Variants in INO80 observed in about 807,000 individuals in gnomAD.
INO80 encodes the protein chromatin-remodeling ATPase INO80.
Under a neutral mutation model 203.4 loss-of-function variants are expected in INO80, and 20 were observed. The ratio of observed to expected loss-of-function variants is 0.10; its 90% CI spans 0.07 to 0.14. INO80 has a LOEUF of 0.14. Ranked by LOEUF, INO80 falls within the 10% of genes least tolerant of loss-of-function variation. The probability of loss-of-function intolerance (pLI) is 1.00; values close to 1 mark genes in which losing one functional copy is unlikely to be tolerated. For synonymous variants in INO80, 726 were observed against 685.2 expected (o/e 1.06, Z -0.93); for missense variants, 1,419 against 1,914.4 (o/e 0.74, Z 4.83).
At position 40,982,074 on chromosome 15, in the gene INO80, A is replaced by C. The variant is rs145475624; in HGVS notation, c.4453+788T>G. Among the ~76,000 whole-genome samples the C allele has an allele frequency of 3.9e-3, 598 of 152,310 alleles. 12 individuals are homozygous for C. The highest frequency in any genetic ancestry group is 0.014 in the South Asian group (68 of 4,824). ...TATTTTGCCGTGGATTGCTGTTAAG[A>C]GTACTGCATGCATGGCTTCCCCTTC... On this transcript the variant is annotated intron_variant, in intron 35 of 35. Transcript: ENST00000648947.
At chr15:41,082,175 A>C (rs1435028778) in intron 7 of INO80, among the ~76,000 whole-genome samples, 1 of 149,412 alleles carries the variant, frequency 6.7e-6, no homozygotes, top group African/African-American at 2.5e-5. Flanking sequence ...ACTTGAACTC[A>C]GGAGGCGGAG....
rs1438341233 is a variant in INO80, at chr15:41,095,638, T to C, written c.344A>G (p.Asn115Ser). The change falls in exon 4 of 36, where the codon AAT becomes AGT. Residue 115 changes from asparagine to serine, a missense_variant. Transcript: ENST00000648947. ...TCTGCTTTTCTTCAGCTTAGAGAAA[T>C]TATATAAATTCCCCTTATCACATTT... ...ESKCDKGNLY[N>S]FSKLKKSRKW... 6.2e-7 allele frequency: 1 copy of C among 1,611,524 alleles called. No homozygotes were observed. The highest frequency in any genetic ancestry group is 8.5e-7 in the Non-Finnish European group (1 of 1,177,738).
rs2045583717 is a variant in INO80 at position 41,087,830 on chromosome 15, A to G, written c.538-148T>C. On this transcript the variant is annotated intron_variant, in intron 5 of 35. Transcript: ENST00000648947. ...AGATCAGTAACATCTAGTATATCTA[A>G]GGGAATCACTTACTTAACTTCAAAC... 1.8e-5 allele frequency: 12 copies of G among 684,552 alleles called. No individual in the cohort carries two copies. The South Asian group carries it at 3.8e-4, about 21-fold the overall frequency. The allele number at this position is 684,552 out of a possible 1,614,324, so 42.4% of individuals were successfully genotyped here. A position where few individuals can be genotyped will look rare whatever the true frequency, so the allele number is the denominator to read the frequency against.
chr15:41,096,090 C>A, intron 2 of INO80, 78 bp downstream of exon 2: 1 of 1,471,228 alleles, frequency 6.8e-7, no homozygotes, highest in South Asian at 1.4e-5. Flanking sequence ...TCATAAGATA[C>A]TTTAATCCTG....
At chr15:41,063,158 G>A (rs1167304465) in intron 14 of INO80, among the ~76,000 whole-genome samples, 1 of 152,030 alleles carries the variant, frequency 6.6e-6, no homozygotes, top group Admixed American at 6.6e-5. Context: ...CCAACATGGT[G>A]AAACCCCATC....
intron 22 of INO80, among the ~76,000 whole-genome samples, chr15:41,047,804 A>C (rs1215364179): frequency 6.6e-6 from 1 of 152,182 alleles, no homozygotes; most frequent in East Asian, 1.9e-4. Context: ...GAAAAAGAAA[A>C]GGACAGGACA....
At chr15:41,024,216 A>C (rs1263529370) in intron 25 of INO80, among the ~76,000 whole-genome samples, 1 of 152,204 alleles carries the variant, frequency 6.6e-6, no homozygotes, top group Non-Finnish European at 1.5e-5. Context: ...TTCTTTGGCC[A>C]GGAGCCCAGG....
Position 41,096,242 on chromosome 15 carries a change from C to G in INO80, c.69G>C (p.Gln23His), listed in dbSNP as rs765369237. The stretch of plus-strand genomic sequence containing the variant: ...CCAACCGGAGGGCCCTCTCCAAGTA[C>G]TGAAGATAGAGGGGCTTTGCCAGCT... Reference protein sequence around the residue: ...CTELAKPLYLQYLERALRLDH... With the variant: ...CTELAKPLYLHYLERALRLDH... The change falls in exon 2 of 36, where the codon CAG (glutamine) becomes CAC (histidine). Residue 23 changes from glutamine to histidine, a missense_variant. Physicochemically the swap from Gln to His is conservative, Grantham distance 24. Coordinates refer to ENST00000648947, the MANE Select transcript of INO80 (RefSeq NM_017553.3). 3.1e-6 allele frequency: 5 copies of G among 1,613,218 alleles called. No individual in the cohort carries two copies. Among genetic ancestry groups the G allele is most frequent in the East Asian group, 4.5e-5 (2 of 44,868 alleles).
intron 32 of INO80, among the ~76,000 whole-genome samples, chr15:40,984,814 A>G (rs1368201778): frequency 1.3e-5 from 2 of 152,358 alleles, no homozygotes; most frequent in Middle Eastern, 3.4e-3. Context: ...GAGAGGGCCA[A>G]TGCTTTCAAT....
At chr15:41,018,507 G>C (rs1249296367) in intron 26 of INO80, 2 of 152,236 alleles carry the variant, frequency 1.3e-5, no homozygotes, top group African/African-American at 4.8e-5. Context: ...TGTAGGTGGG[G>C]AAGGGAGAAG....
chr15:41,027,614 CAAA>C lies in INO80; in HGVS notation c.3027_3029del (p.Phe1009del), dbSNP rs2044395464. ...CACTTACTCGTGGACTGGCCACACA[CAAA>C]AAAGATGGCAGCTCAGTGAGCAGGC... On this transcript the variant is annotated inframe_deletion, in exon 25 of 36. Coordinates refer to ENST00000648947, the MANE Select transcript of INO80 (RefSeq NM_017553.3). 1 of 1,612,518 alleles carries C rather than the reference CAAA, an allele frequency of 6.2e-7. No homozygotes were observed. The highest frequency in any genetic ancestry group is 2.2e-5 in the East Asian group (1 of 44,884).
chr15:41,092,008 T>C lies in INO80; in HGVS notation c.537+19A>G. 2 of 1,582,976 alleles carry C rather than the reference T, an allele frequency of 1.3e-6. No homozygotes were observed. The highest frequency in any genetic ancestry group is 2.3e-5 in the East Asian group (1 of 44,338). ...GAGGGTGAATATTCAGTTTGAAGTG[T>C]TTCTCCTGAAACTCTTACCTCCTTG... On this transcript the variant is annotated intron_variant, in intron 5 of 35. Coordinates refer to ENST00000648947, the MANE Select transcript of INO80 (RefSeq NM_017553.3).
At chr15:41,073,620 G>A (rs192469554) in intron 10 of INO80, 125 bp from the exon 11 acceptor site, 4 of 795,972 alleles carry the variant, frequency 5.0e-6, no homozygotes, top group Non-Finnish European at 8.6e-6. Flanking sequence ...CACGGAGGGT[G>A]GGGGAAGAGA....
At chr15:41,083,353 T>C (rs1019958329) in intron 7 of INO80, among the ~76,000 whole-genome samples, 1 of 148,566 alleles carries the variant, frequency 6.7e-6, no homozygotes, top group African/African-American at 2.5e-5. Context: ...GGAAAAAAAA[T>C]TTTAATTTTA....
chr15:41,096,667 A>G (rs2045728887), intron 1 of INO80, among the ~76,000 whole-genome samples: 1 of 152,318 alleles, frequency 6.6e-6, no homozygotes, highest in Admixed American at 6.5e-5. Context: ...TTCAATAAAA[A>G]ATTACCCAAA....
chr15:41,004,745 G>C (rs542845883), intron 28 of INO80: 1 of 152,352 alleles, frequency 6.6e-6, no homozygotes, highest in South Asian at 2.1e-4. Flanking sequence ...GTGGCTGAGA[G>C]CTGCCAGCTG....
intron 27 of INO80, among the ~76,000 whole-genome samples, chr15:41,012,520 G>T (rs1048814632): frequency 9.4e-5 from 12 of 127,488 alleles, no homozygotes; most frequent in Non-Finnish European, 3.1e-5. Flanking sequence ...CTGAGATCCC[G>T]CCATTGCACT....
intron 25 of INO80, among the ~76,000 whole-genome samples, chr15:41,025,020 C>T (rs1038158235): frequency 6.6e-6 from 1 of 152,178 alleles, no homozygotes; most frequent in African/African-American, 2.4e-5. Flanking sequence ...GGTGTAATTA[C>T]TCCCATTTTC....
chr15:40,986,857 T>G (rs145106755), intron 31 of INO80, among the ~76,000 whole-genome samples: 11 of 152,288 alleles, frequency 7.2e-5, no homozygotes, highest in African/African-American at 2.6e-4. Flanking sequence ...AAACTCAAAC[T>G]CCTGACCTCA....
Sources: gnomAD v4.1 joint callset for allele counts (sites outside exome capture counted in the v4.1 genomes callset) on GRCh38, gnomAD v4.1.1 for gene constraint, MANE v1.5 for transcripts, NCBI Gene and HGNC (gene_info 2026-07-23, HGNC 2026-07-21) for gene names.